Variants in TLE3 observed in about 807,000 individuals in gnomAD.
The protein encoded by TLE3 is TLE family member 3, transcriptional corepressor, also known as transducin-like enhancer protein 3.
A neutral mutation model predicts 93.0 loss-of-function variants in TLE3; 14 were observed. The observed-to-expected ratio is 0.15, with a 90% confidence interval of 0.10 to 0.24. The LOEUF (loss-of-function observed/expected upper bound fraction) is 0.24. TLE3 is among the 10% of genes least tolerant of loss of function. The pLI is 1.00. For missense variants in TLE3, 693 were observed against 1,046.6 expected (o/e 0.66, Z 4.66); for synonymous variants, 451 against 425.0 (o/e 1.06, Z -0.75).
intron 7 of TLE3, among the ~76,000 whole-genome samples, chr15:70,065,075 C>T (rs1054101936): frequency 2.0e-5 from 3 of 152,240 alleles, no homozygotes; most frequent in African/African-American, 4.8e-5. Flanking sequence ...GGCCCCTCTT[C>T]CTCTGCCAAA....
chr15:70,097,312 G>A lies in TLE3; in HGVS notation c.-514C>T, dbSNP rs1264810251. The A allele has an allele frequency of 5.0e-6, 2 of 401,142 alleles. No homozygotes were observed. Among genetic ancestry groups the A allele is most frequent in the East Asian group, 3.6e-5 (1 of 28,046 alleles). The allele number at this position is 401,142 out of a possible 1,614,324, so 24.8% of individuals were successfully genotyped here. ...GAGGCGTCCGGGCCTGGGGCTCGCGGCGAGAAGAGGAAGGAGGCGGGCTAC... is the reference window on the plus strand; with the variant it reads ...GAGGCGTCCGGGCCTGGGGCTCGCGACGAGAAGAGGAAGGAGGCGGGCTAC... On this transcript the variant is annotated 5_prime_UTR_variant, in exon 1 of 20. Transcript: ENST00000451782.
At position 70,050,101 on chromosome 15, in the gene TLE3, T is replaced by C. The variant is rs754167371; in HGVS notation, c.2306A>G (p.Tyr769Cys). The C allele has an allele frequency of 1.2e-6, 2 of 1,612,420 alleles. No homozygotes were observed. The highest frequency in any genetic ancestry group is 2.2e-5 in the East Asian group (1 of 44,872). ...DKKATVYEVI[Y>C] is the part of the protein sequence containing the mutation. ...CAGCCCTGCTGGAGTTCTTGTTTAG[T>C]AGATGACCTCATAAACTGTGGCCTT... Residue 769 changes from tyrosine (Y) to cysteine (C), a missense_variant, in exon 20 of 20, where the codon TAC (tyrosine) becomes TGC (cysteine). Tyr to Cys is a radical substitution (Grantham distance 194, BLOSUM62 -2). This residue lies in a region of TLE3 where 153 missense variants were observed against 379.9 expected (regional missense o/e 0.40). Transcript: ENST00000451782.
At chr15:70,073,463 A>C (rs188369463) in intron 6 of TLE3, among the ~76,000 whole-genome samples, 3 of 152,348 alleles carry the variant, frequency 2.0e-5, no homozygotes, top group Non-Finnish European at 4.4e-5. Context: ...AGAGGAAAGA[A>C]GACCAACCAG....
At position 70,058,833 on chromosome 15, in the gene TLE3, G is replaced by A; in HGVS notation, c.766-18C>T. On this transcript the variant is annotated intron_variant, in intron 10 of 19. Coordinates refer to ENST00000451782, the MANE Select transcript of TLE3 (RefSeq NM_001105192.3). The surrounding 1 kb of genome is among the most constrained non-coding windows in gnomAD (Gnocchi z 4.1). ...GCGGGGTCCTGAAAACACAAGTGAT[G>A]CAGAGATGCACTGAAAGCAACAGCC... The A allele has an allele frequency of 6.5e-7, 1 of 1,549,238 alleles. No individual in the cohort carries two copies. Among genetic ancestry groups the A allele is most frequent in the Non-Finnish European group, 8.7e-7 (1 of 1,150,594 alleles).
intron 4 of TLE3, among the ~76,000 whole-genome samples, chr15:70,091,962 A>G (rs1438563148): frequency 6.6e-6 from 1 of 151,896 alleles, no homozygotes; most frequent in Non-Finnish European, 1.5e-5. Flanking sequence ...AAAAGTACAG[A>G]CAGTCCCCAC....
At chr15:70,054,934 A>C (rs553842840) in intron 15 of TLE3, 115 bp downstream of exon 15, 2 of 1,424,996 alleles carry the variant, frequency 1.4e-6, no homozygotes, top group Admixed American at 2.6e-5. Flanking sequence ...CAGCTTGCCT[A>C]AAGTTGCTCA....
Position 70,096,989 on chromosome 15 carries a change from C to T in TLE3, c.-191G>A. 1 of 699,220 alleles carries T rather than the reference C, an allele frequency of 1.4e-6. No individual in the cohort carries two copies. Among genetic ancestry groups the T allele is most frequent in the Non-Finnish European group, 2.4e-6 (1 of 411,488 alleles). 43.3% of individuals were successfully genotyped at this position (699,220 alleles called of 1,614,324 possible). A position where few individuals can be genotyped will look rare whatever the true frequency, so the allele number is the denominator to read the frequency against. On this transcript the variant is annotated 5_prime_UTR_variant, in exon 1 of 20. Coordinates refer to ENST00000451782, the MANE Select transcript of TLE3 (RefSeq NM_001105192.3). ...CCCGCCCCAAGTGGAGACAAAGAGC[C>T]GCGGAGCAGGCGGCAAAGTCGTCGG...
chr15:70,083,511 C>A (rs1026699809), intron 4 of TLE3, among the ~76,000 whole-genome samples: 1 of 139,766 alleles, frequency 7.2e-6, no homozygotes, highest in Non-Finnish European at 1.5e-5. Context: ...CCAGGCACAC[C>A]GCCCCCACCC....
intron 18 of TLE3, among the ~76,000 whole-genome samples, chr15:70,051,839 C>G (rs1422276863): frequency 1.3e-5 from 2 of 152,206 alleles, no homozygotes; most frequent in African/African-American, 4.8e-5. Flanking sequence ...GGAGACCTGG[C>G]TGAAGACAGC....
rs560034512 is a variant in TLE3, at chr15:70,074,692, C to T, written c.298-85G>A. ...GCTGTGCAGCACTGGCAGGGCCTCTCGGAGAGGCCCAGAGCAGACAGAGGA... is the reference window on the plus strand; with the variant it reads ...GCTGTGCAGCACTGGCAGGGCCTCTTGGAGAGGCCCAGAGCAGACAGAGGA... On this transcript the variant is annotated intron_variant, in intron 5 of 19. Coordinates refer to ENST00000451782, the MANE Select transcript of TLE3 (RefSeq NM_001105192.3). 2.6e-4 allele frequency: 307 copies of T among 1,179,282 alleles called. 2 individuals carry two copies. In the African/African-American group the frequency reaches 3.6e-3, roughly 14 times the overall value. The allele number at this position is 1,179,282 out of a possible 1,614,324, so 73.1% of individuals were successfully genotyped here.
At chr15:70,061,293 C>A (rs2056459772) in intron 8 of TLE3, among the ~76,000 whole-genome samples, 1 of 152,056 alleles carries the variant, frequency 6.6e-6, no homozygotes, top group African/African-American at 2.4e-5. Flanking sequence ...GAAGCCTTTC[C>A]CTCTGACAGA....
chr15:70,069,804 G>A (rs2057036084), intron 6 of TLE3, among the ~76,000 whole-genome samples: 1 of 152,260 alleles, frequency 6.6e-6, no homozygotes, highest in Admixed American at 6.5e-5. Flanking sequence ...GGGGGCCAGT[G>A]GGCAAAGCCC....
chr15:70,066,023 C>G lies in TLE3; in HGVS notation c.568G>C (p.Asp190His), dbSNP rs750328039. 6.7e-7 allele frequency: 1 copy of G among 1,483,572 alleles called. No homozygotes were observed. The highest frequency in any genetic ancestry group is 9.1e-7 in the Non-Finnish European group (1 of 1,096,252). 91.9% of individuals were successfully genotyped at this position (1,483,572 alleles called of 1,614,324 possible). A position where few individuals can be genotyped will look rare whatever the true frequency, so the allele number is the denominator to read the frequency against. ...VKDEKNHHELDHRERESSANN... is the reference protein window; with the variant it reads ...VKDEKNHHELHHRERESSANN... The stretch of plus-strand genomic sequence containing the variant: ...CCCAGCCCAGCCGCACCTCTGTGAT[C>G]GAGTTCATGGTGGTTCTTCTCATCC... The change falls in exon 7 of 20, where the codon GAT becomes CAT. Residue 190 changes from aspartate to histidine, a missense_variant. Physicochemically the swap from Asp to His is moderately conservative, Grantham distance 81 (BLOSUM62 -1). This residue lies in a region of TLE3 where 405 missense variants were observed against 468.9 expected (regional missense o/e 0.86). Transcript: ENST00000451782.
At chr15:70,096,022 G>C in intron 2 of TLE3, 139 bp downstream of exon 2, 4 of 1,033,348 alleles carry the variant, frequency 3.9e-6, no homozygotes, top group African/African-American at 1.6e-5. Context: ...GCTCGGAAAG[G>C]GGAAACAAAA....
chr15:70,097,090 T>C lies in TLE3; in HGVS notation c.-292A>G. 2.1e-6 allele frequency: 1 copy of C among 473,424 alleles called. No homozygotes were observed. The highest frequency in any genetic ancestry group is 3.6e-6 in the Non-Finnish European group (1 of 275,522). The allele number at this position is 473,424 out of a possible 1,614,324, so 29.3% of individuals were successfully genotyped here. A position where few individuals can be genotyped will look rare whatever the true frequency, so the allele number is the denominator to read the frequency against. On this transcript the variant is annotated 5_prime_UTR_variant, in exon 1 of 20. Coordinates refer to ENST00000451782, the MANE Select transcript of TLE3 (RefSeq NM_001105192.3). The stretch of plus-strand genomic sequence containing the variant: ...GCGGGCAGCGGCCGGCCGCCTTCCC[T>C]GGGCTGCGTCGAGCGCGTCAATGCC...
At chr15:70,070,577 T>A (rs540380343) in intron 6 of TLE3, among the ~76,000 whole-genome samples, 1 of 152,280 alleles carries the variant, frequency 6.6e-6, no homozygotes, top group African/African-American at 2.4e-5. Flanking sequence ...GTGGGCACCA[T>A]AGCTCCACAC....
chr15:70,082,737 G>A (rs1019135443), intron 4 of TLE3, among the ~76,000 whole-genome samples: 1 of 152,240 alleles, frequency 6.6e-6, no homozygotes, highest in Non-Finnish European at 1.5e-5. Flanking sequence ...GCTGGCCTGA[G>A]CCGGCCTGTG....
chr15:70,055,432 G>A (rs1464622074), intron 14 of TLE3, 134 bp from the exon 15 acceptor site: 14 of 1,323,254 alleles, frequency 1.1e-5, no homozygotes, highest in East Asian at 9.8e-5. Flanking sequence ...GAAACCATTC[G>A]AACCCAGTAA....
intron 15 of TLE3, 118 bp downstream of exon 15, chr15:70,054,931 C>T: frequency 7.1e-7 from 1 of 1,414,748 alleles, no homozygotes; most frequent in African/African-American, 1.4e-5. Context: ...AGTCAGCTTG[C>T]CTAAAGTTGC....
Sources: gnomAD v4.1 joint callset for allele counts (sites outside exome capture counted in the v4.1 genomes callset) on GRCh38, gnomAD v4.1.1 for gene constraint, gnomAD v4.1.1 regional missense constraint, Gnocchi (gnomAD v3.1) non-coding constraint, MANE v1.5 for transcripts, NCBI Gene and HGNC (gene_info 2026-07-23, HGNC 2026-07-21) for gene names.